The following RADIL variants were observed in gnomAD, a reference collection of about 807,000 sequenced individuals.
RADIL encodes ras-associating and dilute domain-containing protein.
RADIL carries 99 observed loss-of-function variants against 97.6 expected under a neutral mutation model. That is an observed-to-expected ratio of 1.01 (90% CI 0.86 to 1.20). The LOEUF (loss-of-function observed/expected upper bound fraction) is 1.20. Ranked by LOEUF, RADIL falls within the 50% of genes most tolerant of loss-of-function variation. The pLI is 0.00. For missense variants in RADIL, 1,765 were observed against 1,498.9 expected (o/e 1.18, Z -2.93); for synonymous variants, 803 against 691.8 (o/e 1.16, Z -2.52).
intron 2 of RADIL, 26 bp downstream of exon 2, chr7:4,877,579 C>T: frequency 6.4e-7 from 1 of 1,565,416 alleles, no homozygotes; most frequent in Non-Finnish European, 8.6e-7. Flanking sequence ...ACCCACGGCT[C>T]TTCCTGAACC....
chr7:4,848,928 C>G (rs1783641805), intron 2 of RADIL, among the ~76,000 whole-genome samples: 1 of 152,070 alleles, frequency 6.6e-6, no homozygotes, highest in African/African-American at 2.4e-5. Context: ...CACCTGAGGT[C>G]AGGAGTTTGA....
At chr7:4,828,750 AG>A (rs749131984) in intron 5 of RADIL, among the ~76,000 whole-genome samples, 3 of 152,190 alleles carry the variant, frequency 2.0e-5, no homozygotes, top group Non-Finnish European at 4.4e-5. Context: ...AAAAAGGAAA[AG>A]CCCCCCAGGC....
intron 12 of RADIL, 78 bp from the exon 13 acceptor site, chr7:4,800,388 T>C: frequency 7.3e-7 from 1 of 1,369,764 alleles, no homozygotes; most frequent in Non-Finnish European, 9.5e-7. Flanking sequence ...CTGGCCTGGC[T>C]GCCTCTGTAG....
At position 4,799,755 on chromosome 7, in the gene RADIL, G is replaced by A. The variant is rs373930521; in HGVS notation, c.2997C>T (p.Gly999=). Residue 999 remains glycine, a synonymous_variant, in exon 14 of 15, where the codon GGC becomes GGT. Transcript: ENST00000399583. ...GGGTCTGGATGTAGAGCCCGGGGGCGCCCAGGTGCGTGTGCTGGGGACAAG... is the reference window on the plus strand; with the variant it reads ...GGGTCTGGATGTAGAGCCCGGGGGCACCCAGGTGCGTGTGCTGGGGACAAG... ...GLIDGMHTHL[G]APGLYIQTLL... The A allele has an allele frequency of 3.7e-5, 57 of 1,539,858 alleles. No individual in the cohort carries two copies. Among genetic ancestry groups the A allele is most frequent in the Middle Eastern group, 1.8e-4 (1 of 5,444 alleles).
At chr7:4,841,988 G>A (rs995383638) in intron 2 of RADIL, among the ~76,000 whole-genome samples, 2 of 152,014 alleles carry the variant, frequency 1.3e-5, no homozygotes, top group East Asian at 1.9e-4. Flanking sequence ...CCAGGAGGTC[G>A]AGGCTGCAGT....
Position 4,854,744 on chromosome 7 carries a change from T to C in RADIL, c.536-18139A>G, listed in dbSNP as rs1292888057. ...AAAGATACCACTTTGGTATTGGTTGTTTAATTATATTTCACACATATGAAA... is the reference window on the plus strand; with the variant it reads ...AAAGATACCACTTTGGTATTGGTTGCTTAATTATATTTCACACATATGAAA... On this transcript the variant is annotated intron_variant, in intron 2 of 14. Transcript: ENST00000399583. This position sits in a 1 kb window ranked among gnomAD's most constrained non-coding sequence, Gnocchi z 5.1. Among the ~76,000 whole-genome samples, 1 of 152,140 alleles carries C rather than the reference T, an allele frequency of 6.6e-6. No homozygotes were observed. The highest frequency in any genetic ancestry group is 1.5e-5 in the Non-Finnish European group (1 of 68,034).
At chr7:4,846,995 C>T (rs1399203126) in intron 2 of RADIL, among the ~76,000 whole-genome samples, 2 of 151,780 alleles carry the variant, frequency 1.3e-5, no homozygotes, top group Non-Finnish European at 2.9e-5. Context: ...AAATAAGATA[C>T]CACTTCACAC....
At chr7:4,809,598 G>C (rs896570824) in intron 9 of RADIL, 2 of 985,342 alleles carry the variant, frequency 2.0e-6, no homozygotes, top group Non-Finnish European at 2.4e-6. Context: ...CTGCAGACAC[G>C]CTCCTTGAAC....
intron 9 of RADIL, among the ~76,000 whole-genome samples, chr7:4,807,098 G>C (rs1782334704): frequency 6.6e-6 from 1 of 152,072 alleles, no homozygotes; most frequent in Non-Finnish European, 1.5e-5. Context: ...CCACTGTTTG[G>C]ATGTGGCCTC....
At chr7:4,810,761 C>T (rs930342154) in intron 9 of RADIL, among the ~76,000 whole-genome samples, 4 of 152,240 alleles carry the variant, frequency 2.6e-5, no homozygotes, top group African/African-American at 9.6e-5. Flanking sequence ...CCAGGAACAC[C>T]TGAGGGTTCA....
At chr7:4,804,175 C>A (rs998185280) in intron 10 of RADIL, 24 of 288,430 alleles carry the variant, frequency 8.3e-5, no homozygotes, top group Non-Finnish European at 1.4e-4. Context: ...GGGACCCAAA[C>A]GGCCTGTGTG....
rs1784161577 is a variant in RADIL at position 4,867,739 on chromosome 7, T to C, written c.535+9866A>G. Among the ~76,000 whole-genome samples, 1 of 152,246 alleles carries C rather than the reference T, an allele frequency of 6.6e-6. No individual in the cohort carries two copies. The highest frequency in any genetic ancestry group is 1.5e-5 in the Non-Finnish European group (1 of 68,042). ...TTAAACATATACAAAATATTATTTA[T>C]GTATTAAGGATACATATGAATCCAA... On this transcript the variant is annotated intron_variant, in intron 2 of 14. Coordinates refer to ENST00000399583, the MANE Select transcript of RADIL (RefSeq NM_018059.5). The surrounding 1 kb of genome is among the most constrained non-coding windows in gnomAD (Gnocchi z 4.1).
rs1781991544 is a variant in RADIL at position 4,799,119 on chromosome 7, A to G, written c.*259T>C. Reference sequence around the variant, plus strand: ...AGGGCACCCTCTAAGAACGGGAAAAATAGTTTATTGAACCGTACTTCTCCA... The same window carrying G: ...AGGGCACCCTCTAAGAACGGGAAAAGTAGTTTATTGAACCGTACTTCTCCA... On this transcript the variant is annotated 3_prime_UTR_variant, in exon 15 of 15. Transcript: ENST00000399583. The G allele has an allele frequency of 4.1e-6, 2 of 483,152 alleles. No individual in the cohort carries two copies. The highest frequency in any genetic ancestry group is 7.5e-6 in the Non-Finnish European group (2 of 265,856). 29.9% of individuals were successfully genotyped at this position (483,152 alleles called of 1,614,324 possible). A position where few individuals can be genotyped will look rare whatever the true frequency, so the allele number is the denominator to read the frequency against.
Position 4,837,613 on chromosome 7 carries a change from GCA to G in RADIL, c.536-1010_536-1009del, listed in dbSNP as rs946179439. 1.3e-5 allele frequency among the ~76,000 whole-genome samples: 2 copies of G among 151,120 alleles called. No homozygotes were observed. The highest frequency in any genetic ancestry group is 2.9e-5 in the Non-Finnish European group (2 of 67,870). On this transcript the variant is annotated intron_variant, in intron 2 of 14. Coordinates refer to ENST00000399583, the MANE Select transcript of RADIL (RefSeq NM_018059.5). The surrounding 1 kb of genome is among the most constrained non-coding windows in gnomAD (Gnocchi z 5.6). ...CCCACACAAAAATGCACACACACAT[GCA>G]CACACATGCACCCAAAAACACACAT... is the stretch of plus-strand genomic sequence containing the variant.
rs1405732739 is a variant in RADIL, at chr7:4,835,258, T to TC, written c.784-20dup. ...GGCTGTCCTGAAACAGAGACTCCGC[T>TC]CAGGGCAGGCGTAACGCGAGCAGCA... On this transcript the variant is annotated intron_variant, in intron 3 of 14. Transcript: ENST00000399583. This position sits in a 1 kb window ranked among gnomAD's most constrained non-coding sequence, Gnocchi z 5.8. 6.2e-7 allele frequency: 1 copy of TC among 1,604,674 alleles called. No individual in the cohort carries two copies. Among genetic ancestry groups the TC allele is most frequent in the Non-Finnish European group, 8.5e-7 (1 of 1,179,402 alleles).
At chr7:4,861,108 G>A in intron 2 of RADIL, 1 of 1,614,198 alleles carries the variant, frequency 6.2e-7, no homozygotes, top group Non-Finnish European at 8.5e-7. Flanking sequence ...TAGATATTGT[G>A]GCACTTGGCC....
In RADIL at chr7:4,872,292, C is replaced by A. The variant is rs961341826; in HGVS notation, c.535+5313G>T. Among the ~76,000 whole-genome samples the A allele has an allele frequency of 6.6e-6, 1 of 152,208 alleles. No individual in the cohort carries two copies. Among genetic ancestry groups the A allele is most frequent in the African/African-American group, 2.4e-5 (1 of 41,452 alleles). On this transcript the variant is annotated intron_variant, in intron 2 of 14. Coordinates refer to ENST00000399583, the MANE Select transcript of RADIL (RefSeq NM_018059.5). The surrounding 1 kb of genome is among the most constrained non-coding windows in gnomAD (Gnocchi z 5.8). ...GGGGTGGGGGCACAGGAGCCAGGGA[C>A]ACTGCTCATCGCCCTGCAACCACGG...
chr7:4,883,536 C>G lies in RADIL; in HGVS notation c.-65+60G>C, dbSNP rs1385072710. 1 of 152,514 alleles carries G rather than the reference C, an allele frequency of 6.6e-6. No individual in the cohort carries two copies. The highest frequency in any genetic ancestry group is 2.4e-5 in the African/African-American group (1 of 41,438). 9.4% of individuals were successfully genotyped at this position (152,514 alleles called of 1,614,324 possible). On this transcript the variant is annotated intron_variant, in intron 1 of 14. Transcript: ENST00000399583. The surrounding 1 kb of genome is among the most constrained non-coding windows in gnomAD (Gnocchi z 7.1). Reference sequence around the variant, plus strand: ...CCCCAGGTCCCCGGCAGCGGCCGAGCAGCGCCCCTTACGAGCCACCCCCGG... The same window carrying G: ...CCCCAGGTCCCCGGCAGCGGCCGAGGAGCGCCCCTTACGAGCCACCCCCGG...
chr7:4,847,663 A>G (rs535252324), intron 2 of RADIL, among the ~76,000 whole-genome samples: 39 of 151,722 alleles, frequency 2.6e-4, no homozygotes, highest in African/African-American at 7.0e-4. Flanking sequence ...TAGCAATGAA[A>G]AGGAACAAAA....
Sources: gnomAD v4.1 joint callset for allele counts (sites outside exome capture counted in the v4.1 genomes callset) on GRCh38, gnomAD v4.1.1 for gene constraint, Gnocchi (gnomAD v3.1) non-coding constraint, MANE v1.5 for transcripts, NCBI Gene and HGNC (gene_info 2026-07-23, HGNC 2026-07-21) for gene names.